The following NALCN variants were observed in gnomAD, a reference collection of about 807,000 sequenced individuals.
NALCN encodes sodium leak channel, non-selective.
A neutral mutation model predicts 225.3 loss-of-function variants in NALCN; 111 were observed. The observed-to-expected ratio is 0.49, with a 90% CI of 0.42 to 0.58. NALCN has a LOEUF of 0.58. Ranked by LOEUF, NALCN falls within the 20% of genes least tolerant of loss-of-function variation. The pLI is 0.00. For missense variants in NALCN, 1,378 were observed against 2,202.4 expected, an observed-to-expected ratio of 0.63 and a Z score of 7.49; for synonymous variants, 764 against 769.0, an observed-to-expected ratio of 0.99 and a Z score of 0.11.
At chr13:101,078,829 C>A (rs1167024411) in intron 34 of NALCN, among the ~76,000 whole-genome samples, 2 of 152,180 alleles carry the variant, frequency 1.3e-5, no homozygotes, top group African/African-American at 4.8e-5. Context: ...TATGGTTTAA[C>A]TGTGTCCCCA....
intron 15 of NALCN, among the ~76,000 whole-genome samples, chr13:101,150,667 C>T (rs1007734327): frequency 6.6e-6 from 1 of 152,136 alleles, no homozygotes; most frequent in Non-Finnish European, 1.5e-5. Context: ...TATCCAAATT[C>T]TTTCCCCTTT....
At chr13:101,196,639 A>G (rs1412577738) in intron 13 of NALCN, among the ~76,000 whole-genome samples, 2 of 152,048 alleles carry the variant, frequency 1.3e-5, no homozygotes, top group Non-Finnish European at 2.9e-5. Flanking sequence ...GTACAGGGAG[A>G]GAAGTATTAG....
intron 13 of NALCN, among the ~76,000 whole-genome samples, chr13:101,199,306 AAAAT>A (rs1340526798): frequency 1.3e-5 from 2 of 151,742 alleles, no homozygotes; most frequent in South Asian, 2.1e-4. Flanking sequence ...AGAGTTGGAA[AAAAT>A]AAATAAATAA....
In NALCN at chr13:101,104,193, T is replaced by G. The variant is rs545235773; in HGVS notation, c.2889+102A>C. 71 of 1,405,038 alleles carry G rather than the reference T, an allele frequency of 5.1e-5. No individual in the cohort carries two copies. The Admixed American group carries it at 1.4e-3, about 28-fold the overall frequency. The allele number at this position is 1,405,038 out of a possible 1,614,324, so 87.0% of individuals were successfully genotyped here. A position where few individuals can be genotyped will look rare whatever the true frequency, so the allele number is the denominator to read the frequency against. On this transcript the variant is annotated intron_variant, in intron 25 of 43. Coordinates refer to ENST00000251127, the MANE Select transcript of NALCN (RefSeq NM_052867.4). The surrounding 1 kb of genome is among the most constrained non-coding windows in gnomAD (Gnocchi z 4.2). ...TCCATTTAAGAATTCGGTTAGGGAATCTAAGCCTCTGTAACTCATACCTCT... is the reference window on the plus strand; with the variant it reads ...TCCATTTAAGAATTCGGTTAGGGAAGCTAAGCCTCTGTAACTCATACCTCT...
chr13:101,070,063 G>GTTATTTT (rs536866923), intron 37 of NALCN, among the ~76,000 whole-genome samples: 1 of 98,314 alleles, frequency 1.0e-5, no homozygotes, highest in Non-Finnish European at 1.8e-5. Flanking sequence ...AATCATGAAT[G>GTTATTTT]TTTTTTTTTT....
Position 101,160,558 on chromosome 13 carries a change from GTTAAA to G in NALCN, c.1840-15667_1840-15663del, listed in dbSNP as rs2038130786. On this transcript the variant is annotated intron_variant, in intron 15 of 43. Coordinates refer to ENST00000251127, the MANE Select transcript of NALCN (RefSeq NM_052867.4). ...CTTTTCTGTTACCTTTGCCTAGACT[GTTAAA>G]TTACAGTGGCATGCAATAGATAAAC... 2.0e-5 allele frequency among the ~76,000 whole-genome samples: 3 copies of G among 152,154 alleles called. No individual in the cohort carries two copies. The South Asian group carries it at 6.2e-4, about 32-fold the overall frequency.
At chr13:101,115,050 A>G (rs2035639101) in intron 18 of NALCN, among the ~76,000 whole-genome samples, 1 of 152,208 alleles carries the variant, frequency 6.6e-6, no homozygotes. Context: ...TGTGGAATGA[A>G]TGAACCTTGA....
chr13:101,249,053 T>C (rs947207608), intron 11 of NALCN, among the ~76,000 whole-genome samples: 1 of 152,150 alleles, frequency 6.6e-6, no homozygotes, highest in African/African-American at 2.4e-5. Context: ...GCTGTGAAGT[T>C]TGGTCTAAAA....
chr13:101,376,899 T>C lies in NALCN; in HGVS notation c.515+18A>G, dbSNP rs201133778. 7 of 1,614,056 alleles carry C rather than the reference T, an allele frequency of 4.3e-6. No individual in the cohort carries two copies. Among genetic ancestry groups the C allele is most frequent in the East Asian group, 2.2e-5 (1 of 44,872 alleles). Reference sequence around the variant, plus strand: ...TTCATAAACTTTTCCTCTTAACTTATTGTAAAGCAGCGCTCACTTTAAAAT... The same window carrying C: ...TTCATAAACTTTTCCTCTTAACTTACTGTAAAGCAGCGCTCACTTTAAAAT... On this transcript the variant is annotated intron_variant, in intron 5 of 43. Transcript: ENST00000251127.
chr13:101,411,423 A>G (rs941583307), intron 1 of NALCN, among the ~76,000 whole-genome samples: 8 of 150,464 alleles, frequency 5.3e-5, no homozygotes, highest in African/African-American at 1.7e-4. Context: ...GCTCGCTGCA[A>G]CCTCTGCCTC....
At chr13:101,075,739 A>G in intron 35 of NALCN, 134 bp downstream of exon 35, 1 of 576,076 alleles carries the variant, frequency 1.7e-6, no homozygotes, top group Non-Finnish European at 2.9e-6. Context: ...ATATTTGTTA[A>G]TCTTGACTTA....
intron 10 of NALCN, among the ~76,000 whole-genome samples, chr13:101,273,687 C>T (rs914158304): frequency 2.0e-4 from 31 of 151,774 alleles, no homozygotes; most frequent in Admixed American, 6.6e-5. Flanking sequence ...AGATCGAGAC[C>T]ATCCTGGCTA....
intron 13 of NALCN, among the ~76,000 whole-genome samples, chr13:101,193,772 AT>A (rs920816369): frequency 2.0e-4 from 30 of 151,994 alleles, no homozygotes; most frequent in Middle Eastern, 3.2e-3. Context: ...GAGGGCAATT[AT>A]TTTTTTCCTG....
At chr13:101,126,263 C>A (rs4772360) in intron 17 of NALCN, among the ~76,000 whole-genome samples, 26,600 of 152,076 alleles carry the variant, frequency 0.17, 2,506 homozygotes, top group East Asian at 0.39. Context: ...TGATTTCCCC[C>A]TCATGAGGAA....
At chr13:101,113,421 T>C (rs186119664) in intron 18 of NALCN, among the ~76,000 whole-genome samples, 3 of 152,308 alleles carry the variant, frequency 2.0e-5, no homozygotes, top group East Asian at 1.9e-4. Context: ...GCCTAAGCCA[T>C]TGTCACATTT....
chr13:101,304,901 C>T (rs895909008), intron 7 of NALCN, among the ~76,000 whole-genome samples: 16 of 151,168 alleles, frequency 1.1e-4, no homozygotes, highest in African/African-American at 3.4e-4. Flanking sequence ...GACTACAGGT[C>T]CCTGCCACCA....
intron 10 of NALCN, among the ~76,000 whole-genome samples, chr13:101,280,273 C>T (rs1349706015): frequency 1.3e-5 from 2 of 152,244 alleles, no homozygotes; most frequent in South Asian, 2.1e-4. Context: ...TACCTGACCC[C>T]TTTCCCCCCA....
intron 13 of NALCN, among the ~76,000 whole-genome samples, chr13:101,210,587 C>A (rs2040487170): frequency 6.6e-6 from 1 of 152,074 alleles, no homozygotes; most frequent in Non-Finnish European, 1.5e-5. Context: ...ATCTCCTAAA[C>A]TGGAATTGGG....
At chr13:101,076,873 G>C (rs1185639403) in intron 34 of NALCN, among the ~76,000 whole-genome samples, 2 of 152,116 alleles carry the variant, frequency 1.3e-5, no homozygotes, top group African/African-American at 4.8e-5. Context: ...CTTTTGCTTG[G>C]ACTCAGTAGC....
Sources: allele counts gnomAD v4.1 joint callset (sites outside exome capture counted in the v4.1 genomes callset), GRCh38; gene constraint gnomAD v4.1.1; non-coding constraint Gnocchi (gnomAD v3.1); transcripts MANE v1.5; gene names NCBI Gene and HGNC (gene_info 2026-07-23, HGNC 2026-07-21).